Variants in SPINT1 observed in about 807,000 individuals in gnomAD.
SPINT1 encodes kunitz-type protease inhibitor 1.
Under a neutral mutation model 53.7 loss-of-function variants are expected in SPINT1, and 38 were observed. That is an observed-to-expected ratio of 0.71 (90% CI 0.55 to 0.93). The LOEUF is 0.93. Among genes scored for constraint, SPINT1 ranks in the 40% least tolerant of loss-of-function variants. SPINT1 has a pLI of 0.00. For missense variants in SPINT1, 645 were observed against 692.9 expected (o/e 0.93, Z 0.78); for synonymous variants, 283 against 280.6 (o/e 1.01, Z -0.08).
Position 40,853,508 on chromosome 15 carries a change from T to G in SPINT1, c.623T>G (p.Val208Gly). 3.1e-6 allele frequency: 5 copies of G among 1,613,970 alleles called. No homozygotes were observed. The highest frequency in any genetic ancestry group is 4.2e-6 in the Non-Finnish European group (5 of 1,179,962). The change falls in exon 4 of 11, where the codon GTG becomes GGG. Residue 208 changes from valine (V) to glycine (G), a missense_variant. Coordinates refer to ENST00000562057, the MANE Select transcript of SPINT1 (RefSeq NM_003710.4). Reference sequence around the variant, plus strand: ...GTGCAGAGGAAAGACCCAAACCAGGTGGAACTGTGGGGACTCAAGGAAGGC... The same window carrying G: ...GTGCAGAGGAAAGACCCAAACCAGGGGGAACTGTGGGGACTCAAGGAAGGC... The part of the protein sequence containing the change: ...VRVERKDPNQ[V>G]ELWGLKEGTY...
In SPINT1 at chr15:40,853,714, A is replaced by G; in HGVS notation, c.746A>G (p.Tyr249Cys). 1 of 1,614,064 alleles carries G rather than the reference A, an allele frequency of 6.2e-7. No individual in the cohort carries two copies. The highest frequency in any genetic ancestry group is 8.5e-7 in the Non-Finnish European group (1 of 1,179,934). The change falls in exon 5 of 11, where the codon TAC becomes TGC. Residue 249 changes from tyrosine to cysteine, a missense_variant. Tyr to Cys is a radical substitution (Grantham distance 194). Transcript: ENST00000562057. ...CCTCATAAGCTCTCCCCCCTAGACT[A>G]CTGCCTCGCATCCAACAAGGTGGGT... ...TVLSTKQTED[Y>C]CLASNKVGRC...
At chr15:40,850,314 C>T (rs891069675) in intron 2 of SPINT1, among the ~76,000 whole-genome samples, 3 of 152,162 alleles carry the variant, frequency 2.0e-5, no homozygotes, top group African/African-American at 4.8e-5. Flanking sequence ...TCAGGTGATC[C>T]ACCCGCCCCG....
chr15:40,852,563 C>T (rs1439983115), intron 2 of SPINT1, among the ~76,000 whole-genome samples: 2 of 151,242 alleles, frequency 1.3e-5, no homozygotes, highest in Non-Finnish European at 2.9e-5. Context: ...AACTGGAGGC[C>T]GAGTCTGTCT....
intron 8 of SPINT1, among the ~76,000 whole-genome samples, chr15:40,855,575 C>T (rs533038791): frequency 5.1e-4 from 77 of 152,146 alleles, no homozygotes; most frequent in African/African-American, 1.6e-3. Flanking sequence ...GGCAACATAG[C>T]GAGACACTGT....
rs1176270915 is a variant in SPINT1, at chr15:40,857,118, G to A, written c.*143G>A. On this transcript the variant is annotated 3_prime_UTR_variant, in exon 11 of 11. Coordinates refer to ENST00000562057, the MANE Select transcript of SPINT1 (RefSeq NM_003710.4). The stretch of plus-strand genomic sequence containing the variant: ...GAGACCAGGGCTCCAGCCCCTCTTG[G>A]AGAAGTCTCAGCTAAGCTCACGTCC... 2.6e-6 allele frequency: 3 copies of A among 1,132,918 alleles called. No homozygotes were observed. The highest frequency in any genetic ancestry group is 3.7e-6 in the Non-Finnish European group (3 of 820,630). 70.2% of individuals were successfully genotyped at this position (1,132,918 alleles called of 1,614,324 possible).
intron 10 of SPINT1, among the ~76,000 whole-genome samples, chr15:40,856,561 C>T (rs1457330004): frequency 6.6e-6 from 1 of 152,126 alleles, no homozygotes; most frequent in East Asian, 1.9e-4. Flanking sequence ...GCAAGGAGAG[C>T]GACTTGAGCT....
intron 8 of SPINT1, 103 bp downstream of exon 8, chr15:40,854,792 C>G: frequency 4.1e-6 from 6 of 1,462,226 alleles, no homozygotes; most frequent in Non-Finnish European, 5.7e-6. Flanking sequence ...GTGTACGGGC[C>G]TGTGGGCACA....
chr15:40,857,126 T>C lies in SPINT1; in HGVS notation c.*151T>C, dbSNP rs2142018990. On this transcript the variant is annotated 3_prime_UTR_variant, in exon 11 of 11. Coordinates refer to ENST00000562057, the MANE Select transcript of SPINT1 (RefSeq NM_003710.4). ...GGCTCCAGCCCCTCTTGGAGAAGTC[T>C]CAGCTAAGCTCACGTCCTGAGAAAG... 9.8e-7 allele frequency: 1 copy of C among 1,022,522 alleles called. No individual in the cohort carries two copies. The highest frequency in any genetic ancestry group is 1.7e-5 in the South Asian group (1 of 59,740). 63.3% of individuals were successfully genotyped at this position (1,022,522 alleles called of 1,614,324 possible).
chr15:40,847,681 G>C (rs575316377), intron 2 of SPINT1, among the ~76,000 whole-genome samples: 1 of 152,138 alleles, frequency 6.6e-6, no homozygotes, highest in East Asian at 1.9e-4. Flanking sequence ...TCTCTTGCGG[G>C]TGGGAGGAAG....
In SPINT1 at chr15:40,854,046, G is replaced by A. The variant is rs74011892; in HGVS notation, c.914-14G>A. 3.3e-3 allele frequency: 5,216 copies of A among 1,559,846 alleles called. 157 individuals are homozygous for A. In the African/African-American group the frequency reaches 0.065, roughly 19 times the overall value. The stretch of plus-strand genomic sequence containing the variant: ...CTGGTCATGCCTCCTCTCATTCTCT[G>A]TTCTCTCTCCCAGGCCCCTCCATGG... On this transcript the variant is annotated splice_polypyrimidine_tract_variant and intron_variant, in intron 5 of 10. Coordinates refer to ENST00000562057, the MANE Select transcript of SPINT1 (RefSeq NM_003710.4).
chr15:40,851,878 G>A (rs583031), intron 2 of SPINT1, among the ~76,000 whole-genome samples: 95,929 of 151,982 alleles, frequency 0.63, 34,743 homozygotes, highest in Non-Finnish European at 0.78. Context: ...AAAATTAGCC[G>A]GGCATGGTTG....
intron 8 of SPINT1, 119 bp from the exon 9 acceptor site, chr15:40,855,773 C>G (rs1324779557): frequency 2.6e-6 from 3 of 1,143,470 alleles, no homozygotes; most frequent in Non-Finnish European, 3.7e-6. Context: ...TGGGGCCTCT[C>G]AGGCCCTCCC....
At chr15:40,847,368 G>C (rs916846559) in intron 2 of SPINT1, among the ~76,000 whole-genome samples, 1 of 152,336 alleles carries the variant, frequency 6.6e-6, no homozygotes, top group Non-Finnish European at 1.5e-5. Context: ...GTTGGGTGAC[G>C]TGGGTCACGG....
At chr15:40,849,022 G>A (rs1233363943) in intron 2 of SPINT1, among the ~76,000 whole-genome samples, 5 of 151,670 alleles carry the variant, frequency 3.3e-5, no homozygotes, top group Non-Finnish European at 5.9e-5. Flanking sequence ...CGGGGCGGGC[G>A]GATCACGAGG....
At chr15:40,846,822 G>A (rs1426471937) in intron 2 of SPINT1, among the ~76,000 whole-genome samples, 1 of 152,184 alleles carries the variant, frequency 6.6e-6, no homozygotes, top group Non-Finnish European at 1.5e-5. Context: ...GAGGAGAGGC[G>A]AGATGGGGAT....
In SPINT1 at chr15:40,844,640, GCCT is replaced by G; in HGVS notation, c.89_91del (p.Leu30del). 6.2e-7 allele frequency: 1 copy of G among 1,606,728 alleles called. No individual in the cohort carries two copies. Among genetic ancestry groups the G allele is most frequent in the South Asian group, 1.1e-5 (1 of 90,668 alleles). On this transcript the variant is annotated inframe_deletion, in exon 2 of 11. Transcript: ENST00000562057. The surrounding 1 kb of genome is among the most constrained non-coding windows in gnomAD (Gnocchi z 5.8). The stretch of plus-strand genomic sequence containing the variant: ...GCCTTGTGGCTTCTGTGCACGCTCG[GCCT>G]CCAGGGCACCCAGGCCGGGCCACCG...
intron 2 of SPINT1, among the ~76,000 whole-genome samples, chr15:40,849,847 G>A (rs1432219243): frequency 6.0e-5 from 5 of 83,318 alleles, no homozygotes; most frequent in Non-Finnish European, 1.1e-4. Flanking sequence ...TGGACTCCAG[G>A]GGTCAATAAA....
intron 2 of SPINT1, among the ~76,000 whole-genome samples, chr15:40,850,295 C>T (rs1411968846): frequency 6.6e-6 from 1 of 152,162 alleles, no homozygotes; most frequent in Non-Finnish European, 1.5e-5. Context: ...TGGTCTTGAA[C>T]TCCCAACCTC....
At chr15:40,854,161 G>C in intron 6 of SPINT1, 75 bp downstream of exon 6, 1 of 1,478,350 alleles carries the variant, frequency 6.8e-7, no homozygotes, top group Non-Finnish European at 9.1e-7. Context: ...CCCCTAAGCA[G>C]CCTGCCTTTG....
Sources: allele counts gnomAD v4.1 joint callset (sites outside exome capture counted in the v4.1 genomes callset), GRCh38; gene constraint gnomAD v4.1.1; non-coding constraint Gnocchi (gnomAD v3.1); transcripts MANE v1.5; gene names NCBI Gene and HGNC (gene_info 2026-07-23, HGNC 2026-07-21).